ZNF562: variants seen among roughly 807,000 people sequenced by gnomAD.
The protein encoded by ZNF562 is zinc finger protein 562.
Under a neutral mutation model 17.5 loss-of-function variants are expected in ZNF562, and 13 were observed. That is an observed-to-expected ratio of 0.74 (90% confidence interval 0.48 to 1.18). The LOEUF (loss-of-function observed/expected upper bound fraction) is 1.18. ZNF562 is among the 50% of genes most tolerant of loss of function. The probability of loss-of-function intolerance (pLI) is 0.00; values close to 1 mark genes in which losing one functional copy is unlikely to be tolerated. For synonymous variants in ZNF562, 163 were observed against 165.4 expected (o/e 0.99, Z 0.11); for missense variants, 481 against 498.5 (o/e 0.96, Z 0.33).
chr19:9,671,231 C>G (rs1242048500), intron 1 of ZNF562, among the ~76,000 whole-genome samples: 1 of 152,136 alleles, frequency 6.6e-6, no homozygotes, highest in African/African-American at 2.4e-5. Context: ...CACATGTACT[C>G]TGAAAATATG....
intron 1 of ZNF562, among the ~76,000 whole-genome samples, chr19:9,669,715 C>CAA (rs1568281523): frequency 3.5e-5 from 4 of 114,650 alleles, no homozygotes; most frequent in South Asian, 3.0e-4. Flanking sequence ...TGCACGCGCG[C>CAA]GAGCGCGCGC....
At chr19:9,660,614 A>G (rs1313245298) in intron 2 of ZNF562, 106 bp downstream of exon 2, 1 of 1,218,330 alleles carries the variant, frequency 8.2e-7, no homozygotes, top group East Asian at 2.4e-5. Flanking sequence ...CTAAAAGAAA[A>G]AAAAAAAAAG....
rs1245485821 is a variant in ZNF562 at position 9,649,338 on chromosome 19, G to A, written c.*3611C>T. 1.3e-5 allele frequency: 2 copies of A among 152,106 alleles called. No homozygotes were observed. The highest frequency in any genetic ancestry group is 1.9e-4 in the East Asian group (1 of 5,198). The allele number at this position is 152,106 out of a possible 1,614,324, so 9.4% of individuals were successfully genotyped here. The stretch of plus-strand genomic sequence containing the variant: ...TGTGTTTGAGCAATATGAAATCTGG[G>A]CACCTTGAAAAAAGAACAGGATAAC... On this transcript the variant is annotated 3_prime_UTR_variant, in exon 6 of 6. Transcript: ENST00000453372.
chr19:9,653,744 G>A lies in ZNF562; in HGVS notation c.486C>T (p.Ser162=). ...TAGAGGCTTCCTTGTGCACACTGAT[G>A]CTGTCTTTTCCATAACAATTACCCT... ...TFEGNCYGKD[S]ISVHKEASIG... Residue 162 remains serine (S), a synonymous_variant, in exon 6 of 6, where the codon AGC becomes AGT. Transcript: ENST00000453372. The A allele has an allele frequency of 6.2e-7, 1 of 1,614,076 alleles. No individual in the cohort carries two copies. The highest frequency in any genetic ancestry group is 8.5e-7 in the Non-Finnish European group (1 of 1,179,976).
At chr19:9,657,878 A>T in intron 4 of ZNF562, 131 bp downstream of exon 4, 2 of 1,241,136 alleles carry the variant, frequency 1.6e-6, no homozygotes, top group Non-Finnish European at 2.1e-6. Context: ...TTTTTTAGAG[A>T]TGAGGTTTCA....
intron 3 of ZNF562, among the ~76,000 whole-genome samples, chr19:9,659,151 G>A (rs1261088930): frequency 6.6e-6 from 1 of 152,220 alleles, no homozygotes; most frequent in Non-Finnish European, 1.5e-5. Flanking sequence ...TTGGCACCAT[G>A]AAGGTCAAGC....
At chr19:9,661,196 T>A (rs1367507284) in intron 1 of ZNF562, among the ~76,000 whole-genome samples, 4 of 152,060 alleles carry the variant, frequency 2.6e-5, no homozygotes, top group Non-Finnish European at 5.9e-5. Context: ...GTTGCCCAGG[T>A]TTAAGTACAA....
In ZNF562 at chr19:9,648,726, C is replaced by T. The variant is rs538101182; in HGVS notation, c.*4223G>A. ...CTATGTTGCCTAAGCTGGTCTAGAA[C>T]CCCTGGGCTCAGGCCACCCTCCCAA... On this transcript the variant is annotated 3_prime_UTR_variant, in exon 6 of 6. Coordinates refer to ENST00000453372, the MANE Select transcript of ZNF562 (RefSeq NM_001130031.2). The T allele has an allele frequency of 1.6e-4, 24 of 150,384 alleles. No individual in the cohort carries two copies. Among genetic ancestry groups the T allele is most frequent in the Non-Finnish European group, 3.5e-4 (24 of 67,710 alleles). 9.3% of individuals were successfully genotyped at this position (150,384 alleles called of 1,614,324 possible). A position where few individuals can be genotyped will look rare whatever the true frequency, so the allele number is the denominator to read the frequency against.
rs2074805425 is a variant in ZNF562 at position 9,646,214 on chromosome 19, G to A, written c.*6735C>T. On this transcript the variant is annotated 3_prime_UTR_variant, in exon 6 of 6. Coordinates refer to ENST00000453372, the MANE Select transcript of ZNF562 (RefSeq NM_001130031.2). The stretch of plus-strand genomic sequence containing the variant: ...AGCCTCCCAAGTAGCTGGCATTACA[G>A]GCATGCACCACTAGGCACAGCTAAT... 6.6e-6 allele frequency: 1 copy of A among 151,906 alleles called. No individual in the cohort carries two copies. Among genetic ancestry groups the A allele is most frequent in the Non-Finnish European group, 1.5e-5 (1 of 68,052 alleles). The allele number at this position is 151,906 out of a possible 1,614,324, so 9.4% of individuals were successfully genotyped here.
intron 1 of ZNF562, among the ~76,000 whole-genome samples, chr19:9,669,029 G>A (rs2044051149): frequency 6.6e-6 from 1 of 152,096 alleles, no homozygotes; most frequent in African/African-American, 2.4e-5. Flanking sequence ...AGACCCTTGG[G>A]AAACAATCCA....
chr19:9,669,706 GCA>G (rs1250195793), intron 1 of ZNF562, among the ~76,000 whole-genome samples: 8,421 of 98,322 alleles, frequency 0.086, 615 homozygotes, highest in African/African-American at 0.26. Context: ...CTGTCTGCAT[GCA>G]CGCGCGCGAG....
intron 3 of ZNF562, 51 bp downstream of exon 3, chr19:9,659,328 C>T: frequency 6.8e-7 from 1 of 1,460,378 alleles, no homozygotes; most frequent in Non-Finnish European, 9.4e-7. Flanking sequence ...AATGTGTCTA[C>T]CTATTGGATG....
chr19:9,670,698 G>A (rs896191835), intron 1 of ZNF562, among the ~76,000 whole-genome samples: 2 of 152,072 alleles, frequency 1.3e-5, no homozygotes, highest in Non-Finnish European at 2.9e-5. Context: ...GATAAAGAGA[G>A]GTTGATTAGG....
intron 1 of ZNF562, among the ~76,000 whole-genome samples, chr19:9,667,876 T>G (rs1599315209): frequency 1.3e-5 from 2 of 152,246 alleles, no homozygotes; most frequent in East Asian, 3.9e-4. Context: ...ATTACAGGCA[T>G]GAGCCACCAT....
At position 9,641,972 on chromosome 19, in the gene ZNF562, A is replaced by G. The variant is rs1020218264; in HGVS notation, c.*10977T>C. ...CAGTGGGGTGGACGTTACAAAGTAC[A>G]TTCTCAAGGGCGGGGAGGATGTTAC... On this transcript the variant is annotated 3_prime_UTR_variant, in exon 6 of 6. Coordinates refer to ENST00000453372, the MANE Select transcript of ZNF562 (RefSeq NM_001130031.2). 1.3e-5 allele frequency: 2 copies of G among 150,586 alleles called. No individual in the cohort carries two copies. Among genetic ancestry groups the G allele is most frequent in the East Asian group, 4.0e-4 (2 of 5,014 alleles). The allele number at this position is 150,586 out of a possible 1,614,324, so 9.3% of individuals were successfully genotyped here. A position where few individuals can be genotyped will look rare whatever the true frequency, so the allele number is the denominator to read the frequency against.
At chr19:9,665,565 G>A (rs1265003884) in intron 1 of ZNF562, among the ~76,000 whole-genome samples, 1 of 152,152 alleles carries the variant, frequency 6.6e-6, no homozygotes, top group Non-Finnish European at 1.5e-5. Context: ...GCAGCATACT[G>A]TAGGGGTATG....
At chr19:9,667,206 G>A (rs998678850) in intron 1 of ZNF562, among the ~76,000 whole-genome samples, 2 of 152,110 alleles carry the variant, frequency 1.3e-5, no homozygotes, top group Non-Finnish European at 2.9e-5. Context: ...TACAAGGATG[G>A]TTCAACATAT....
chr19:9,653,721 G>C lies in ZNF562; in HGVS notation c.509C>G (p.Ser170Cys), dbSNP rs770894682. Residue 170 changes from serine (S) to cysteine (C), a missense_variant, in exon 6 of 6, where the codon TCT (serine) becomes TGT (cysteine). Ser to Cys is a moderately radical substitution (Grantham distance 112). Coordinates refer to ENST00000453372, the MANE Select transcript of ZNF562 (RefSeq NM_001130031.2). ...KDSISVHKEA[S>C]IGQELSKFNP... Reference sequence around the variant, plus strand: ...AAATTTGGAAAGTTCTTGTCCAATAGAGGCTTCCTTGTGCACACTGATGCT... The same window carrying C: ...AAATTTGGAAAGTTCTTGTCCAATACAGGCTTCCTTGTGCACACTGATGCT... The C allele has an allele frequency of 6.2e-7, 1 of 1,614,066 alleles. No individual in the cohort carries two copies. Among genetic ancestry groups the C allele is most frequent in the South Asian group, 1.1e-5 (1 of 91,072 alleles).
At chr19:9,669,390 C>T (rs1030986500) in intron 1 of ZNF562, among the ~76,000 whole-genome samples, 1 of 152,118 alleles carries the variant, frequency 6.6e-6, no homozygotes, top group African/African-American at 2.4e-5. Context: ...ACAAATCACA[C>T]ATAACCACAA....
Sources: gnomAD v4.1 joint callset for allele counts (sites outside exome capture counted in the v4.1 genomes callset) on GRCh38, gnomAD v4.1.1 for gene constraint, MANE v1.5 for transcripts, NCBI Gene and HGNC (gene_info 2026-07-23, HGNC 2026-07-21) for gene names.